VAV2: variants seen among roughly 807,000 people sequenced by gnomAD.
VAV2 encodes the protein vav guanine nucleotide exchange factor 2.
Under a neutral mutation model 132.5 loss-of-function variants are expected in VAV2, and 67 were observed. The ratio of observed to expected loss-of-function variants is 0.51; its 90% CI spans 0.42 to 0.62. The LOEUF is 0.62. VAV2 is among the 20% of genes least tolerant of loss of function. VAV2 has a pLI of 0.00. For missense variants in VAV2, 938 were observed against 1,153.6 expected (o/e 0.81, Z 2.71); for synonymous variants, 492 against 443.5 (o/e 1.11, Z -1.37).
At chr9:133,882,245 G>A (rs985909956) in intron 2 of VAV2, among the ~76,000 whole-genome samples, 1 of 152,250 alleles carries the variant, frequency 6.6e-6, no homozygotes, top group South Asian at 2.1e-4. Flanking sequence ...ACTGAACCCT[G>A]CAGTGAAGCA....
chr9:133,820,908 C>T (rs1374944872), intron 4 of VAV2, among the ~76,000 whole-genome samples: 1 of 151,996 alleles, frequency 6.6e-6, no homozygotes, highest in Non-Finnish European at 1.5e-5. Flanking sequence ...ATGAGCTTGA[C>T]GAGAACTCAG....
chr9:133,832,573 C>A (rs576763935), intron 4 of VAV2, among the ~76,000 whole-genome samples: 53 of 141,038 alleles, frequency 3.8e-4, no homozygotes, highest in Admixed American at 4.9e-4. Context: ...TTTTTTTTTA[C>A]CCCAGACGGA....
intron 19 of VAV2, among the ~76,000 whole-genome samples, chr9:133,782,878 G>A (rs1183192864): frequency 2.6e-5 from 4 of 152,150 alleles, no homozygotes; most frequent in African/African-American, 9.7e-5. Flanking sequence ...CCTGAGCAGG[G>A]CACAACCCCA....
In VAV2 at chr9:133,926,069, G is replaced by C. The variant is rs1840470380; in HGVS notation, c.321+13034C>G. The C allele has an allele frequency of 7.0e-6, 1 of 141,968 alleles. No individual in the cohort carries two copies. Among genetic ancestry groups the C allele is most frequent in the Non-Finnish European group, 1.5e-5 (1 of 66,608 alleles). 8.8% of individuals were successfully genotyped at this position (141,968 alleles called of 1,614,324 possible). On this transcript the variant is annotated intron_variant, in intron 2 of 29. Coordinates refer to ENST00000371850, the MANE Select transcript of VAV2 (RefSeq NM_001134398.2). This position sits in a 1 kb window ranked among gnomAD's most constrained non-coding sequence, Gnocchi z 4.3. Reference sequence around the variant, plus strand: ...ACCAGGACCAGCTAAGAAAATGCAAGCTCTCAGCCAACGGGGTGGGGACTC... The same window carrying C: ...ACCAGGACCAGCTAAGAAAATGCAACCTCTCAGCCAACGGGGTGGGGACTC...
chr9:133,852,017 G>A (rs1340870435), intron 3 of VAV2, among the ~76,000 whole-genome samples: 1 of 151,456 alleles, frequency 6.6e-6, no homozygotes, highest in Non-Finnish European at 1.5e-5. Context: ...GGATGGATGT[G>A]TGGTGGAAGG....
intron 1 of VAV2, among the ~76,000 whole-genome samples, chr9:133,965,006 C>T (rs1748483378): frequency 6.6e-6 from 1 of 152,050 alleles, no homozygotes; most frequent in African/African-American, 2.4e-5. Context: ...AGAGGGCCTC[C>T]AAATTGGAAA....
chr9:133,815,596 T>C (rs185648947), intron 4 of VAV2, among the ~76,000 whole-genome samples: 519 of 152,324 alleles, frequency 3.4e-3, no homozygotes, highest in Non-Finnish European at 5.5e-3. Flanking sequence ...TGGATCTTGT[T>C]TGAGACACAT....
At chr9:133,984,371 T>C (rs1842788229) in intron 1 of VAV2, among the ~76,000 whole-genome samples, 1 of 152,158 alleles carries the variant, frequency 6.6e-6, no homozygotes, top group Admixed American at 6.5e-5. Context: ...CCCAACACTT[T>C]GGGAAGCCAA....
At chr9:133,927,643 C>T (rs16763) in intron 2 of VAV2, among the ~76,000 whole-genome samples, 2 of 151,884 alleles carry the variant, frequency 1.3e-5, no homozygotes, top group African/African-American at 4.8e-5. Flanking sequence ...CCACTCCAAG[C>T]GGCCCCCAGA....
At chr9:133,766,016 C>G (rs1833420213) in intron 29 of VAV2, among the ~76,000 whole-genome samples, 2 of 151,916 alleles carry the variant, frequency 1.3e-5, no homozygotes, top group African/African-American at 4.8e-5. Flanking sequence ...GTTTTAGATT[C>G]AAAAGAAACT....
At chr9:133,827,129 G>C (rs1836023013) in intron 4 of VAV2, among the ~76,000 whole-genome samples, 1 of 152,240 alleles carries the variant, frequency 6.6e-6, no homozygotes, top group Admixed American at 6.5e-5. Flanking sequence ...CAATCAGAGA[G>C]ATGCTTCTTG....
intron 2 of VAV2, among the ~76,000 whole-genome samples, chr9:133,876,060 A>G (rs1838250959): frequency 6.6e-6 from 1 of 152,212 alleles, no homozygotes; most frequent in African/African-American, 2.4e-5. Flanking sequence ...ACTGGGACTC[A>G]CGCCATCAGG....
At chr9:133,873,927 C>T (rs941144299) in intron 2 of VAV2, among the ~76,000 whole-genome samples, 1 of 152,230 alleles carries the variant, frequency 6.6e-6, no homozygotes, top group East Asian at 1.9e-4. Flanking sequence ...CCAGACACGG[C>T]GTCCTCCAGG....
chr9:133,865,263 A>G (rs1564417467), intron 2 of VAV2, among the ~76,000 whole-genome samples: 2 of 152,340 alleles, frequency 1.3e-5, no homozygotes, highest in East Asian at 3.9e-4. Flanking sequence ...TCACTGTAGG[A>G]CAATCACCCA....
intron 1 of VAV2, among the ~76,000 whole-genome samples, chr9:133,942,446 T>A (rs1379751348): frequency 6.6e-6 from 1 of 152,212 alleles, no homozygotes; most frequent in African/African-American, 2.4e-5. Context: ...CGATGGTGCT[T>A]GGTTAGGACA....
chr9:133,813,986 C>T (rs1835458996), intron 4 of VAV2, among the ~76,000 whole-genome samples: 1 of 152,196 alleles, frequency 6.6e-6, no homozygotes, highest in South Asian at 2.1e-4. Flanking sequence ...CTGTGGCCCT[C>T]GCTCACTATC....
chr9:133,768,666 G>T lies in VAV2; in HGVS notation c.2435-70C>A. The stretch of plus-strand genomic sequence containing the variant: ...CAACCAGTGATCCAGGAGGCCCTTG[G>T]GCCAAGCTGGGTCTCTCCCCTGGTG... On this transcript the variant is annotated intron_variant, in intron 28 of 29. Coordinates refer to ENST00000371850, the MANE Select transcript of VAV2 (RefSeq NM_001134398.2). The surrounding 1 kb of genome is among the most constrained non-coding windows in gnomAD (Gnocchi z 5.3). 1 of 1,544,256 alleles carries T rather than the reference G, an allele frequency of 6.5e-7. No homozygotes were observed. Among genetic ancestry groups the T allele is most frequent in the East Asian group, 2.4e-5 (1 of 42,346 alleles).
chr9:133,947,015 A>AAATGAATG (rs1276585757), intron 1 of VAV2, among the ~76,000 whole-genome samples: 1 of 152,158 alleles, frequency 6.6e-6, no homozygotes, highest in African/African-American at 2.4e-5. Context: ...ATGAATGAAC[A>AAATGAATG]AATGAATGAA....
intron 21 of VAV2, among the ~76,000 whole-genome samples, 175 bp from the exon 22 acceptor site, chr9:133,779,064 T>C (rs980045242): frequency 6.6e-6 from 1 of 152,364 alleles, no homozygotes; most frequent in Admixed American, 6.5e-5. Context: ...TTTTGATAAA[T>C]ATCATAATTA....
Sources: allele counts gnomAD v4.1 joint callset (sites outside exome capture counted in the v4.1 genomes callset), GRCh38; gene constraint gnomAD v4.1.1; non-coding constraint Gnocchi (gnomAD v3.1); transcripts MANE v1.5; gene names NCBI Gene and HGNC (gene_info 2026-07-23, HGNC 2026-07-21).